Variants in BMPR1B observed in about 807,000 individuals in gnomAD.
BMPR1B encodes the protein bone morphogenetic protein receptor type 1B.
A neutral mutation model predicts 59.1 loss-of-function variants in BMPR1B; 12 were observed. The ratio of observed to expected loss-of-function variants is 0.20; its 90% CI spans 0.13 to 0.33. BMPR1B has a LOEUF of 0.33. Ranked by LOEUF, BMPR1B falls within the 10% of genes least tolerant of loss-of-function variation. The pLI is 1.00. For synonymous variants in BMPR1B, 237 were observed against 207.3 expected, an observed-to-expected ratio of 1.14 and a Z score of -1.23; for missense variants, 550 against 610.9, an observed-to-expected ratio of 0.90 and a Z score of 1.05.
Position 95,104,388 on chromosome 4 carries a change from C to G in BMPR1B, c.-17-20C>G, listed in dbSNP as rs548001370. 20 of 1,612,136 alleles carry G rather than the reference C, an allele frequency of 1.2e-5. No homozygotes were observed. The South Asian group carries it at 2.0e-4, about 16-fold the overall frequency. ...TAGTCTACCCCACAGATGCCTAACT[C>G]TCACTATTTCTTCTTTCAGCAAACT... On this transcript the variant is annotated intron_variant, in intron 3 of 12. Coordinates refer to ENST00000515059, the MANE Select transcript of BMPR1B (RefSeq NM_001203.3).
intron 3 of BMPR1B, among the ~76,000 whole-genome samples, chr4:95,025,947 T>A (rs549554671): frequency 2.6e-5 from 4 of 152,210 alleles, no homozygotes; most frequent in Non-Finnish European, 4.4e-5. Flanking sequence ...TTTGTTTAAT[T>A]TTTATTAGCA....
intron 3 of BMPR1B, among the ~76,000 whole-genome samples, chr4:95,098,790 C>T (rs1025494303): frequency 2.0e-5 from 3 of 152,082 alleles, no homozygotes; most frequent in South Asian, 2.1e-4. Context: ...GATCTGGGCT[C>T]ACTGCAAGCT....
chr4:95,107,649 T>C (rs1428602339), intron 4 of BMPR1B, among the ~76,000 whole-genome samples: 3 of 152,084 alleles, frequency 2.0e-5, no homozygotes, highest in Non-Finnish European at 2.9e-5. Context: ...TGTAGCACTA[T>C]CTATGTTTGC....
At chr4:94,936,621 A>G (rs1248171565) in intron 2 of BMPR1B, among the ~76,000 whole-genome samples, 17 of 152,144 alleles carry the variant, frequency 1.1e-4, no homozygotes. Context: ...GTAGGCTTTA[A>G]AATATTTATC....
rs200984246 is a variant in BMPR1B, at chr4:95,006,542, A to AT, written c.-18+10425dup. The stretch of plus-strand genomic sequence containing the variant: ...GAGATAAGAAATCAAATACCTTCTG[A>AT]TTTTTTTTTTTTTTTTTGAGATGGA... On this transcript the variant is annotated intron_variant, in intron 3 of 12. Transcript: ENST00000515059. 9.6e-3 allele frequency among the ~76,000 whole-genome samples: 1,306 copies of AT among 136,024 alleles called. 10 individuals are homozygous for AT. Among genetic ancestry groups the AT allele is most frequent in the East Asian group, 0.032 (150 of 4,644 alleles). The allele number at this position is 136,024 out of a possible 152,430, so 89.2% of individuals were successfully genotyped here.
At position 94,757,980 on chromosome 4, in the gene BMPR1B, G is replaced by A. The variant is rs1686516031; in HGVS notation, c.-271G>A. ...AGAAGTTGACGGCGCAGCCGGGCGC[G>A]GGGCGCGGAGTCGGCGGGGCCTCGC... is the stretch of plus-strand genomic sequence containing the variant. On this transcript the variant is annotated 5_prime_UTR_variant, in exon 1 of 13. Coordinates refer to ENST00000515059, the MANE Select transcript of BMPR1B (RefSeq NM_001203.3). The A allele has an allele frequency of 6.8e-6, 1 of 146,590 alleles. No homozygotes were observed. Among genetic ancestry groups the A allele is most frequent in the Non-Finnish European group, 1.5e-5 (1 of 66,206 alleles). 9.1% of individuals were successfully genotyped at this position (146,590 alleles called of 1,614,324 possible). A position where few individuals can be genotyped will look rare whatever the true frequency, so the allele number is the denominator to read the frequency against.
chr4:95,026,436 C>T lies in BMPR1B; in HGVS notation c.-18+30302C>T, dbSNP rs143468033. Among the ~76,000 whole-genome samples the T allele has an allele frequency of 3.4e-3, 518 of 151,662 alleles. 3 individuals carry two copies. The highest frequency in any genetic ancestry group is 0.012 in the African/African-American group (487 of 41,364). ...CTTGGTTTTCCACCATTTGTTATTC[C>T]GATTATTTTATATTATACATTCTCT... On this transcript the variant is annotated intron_variant, in intron 3 of 12. Coordinates refer to ENST00000515059, the MANE Select transcript of BMPR1B (RefSeq NM_001203.3).
intron 1 of BMPR1B, among the ~76,000 whole-genome samples, chr4:94,811,813 TGTGA>T (rs1455381764): frequency 2.6e-5 from 4 of 152,154 alleles, no homozygotes; most frequent in African/African-American, 4.8e-5. Flanking sequence ...TATTGCTCCC[TGTGA>T]GTGAGTGCCA....
At position 94,842,091 on chromosome 4, in the gene BMPR1B, G is replaced by C. The variant is rs1430716270; in HGVS notation, c.-182-33740G>C. Among the ~76,000 whole-genome samples, 8 of 152,064 alleles carry C rather than the reference G, an allele frequency of 5.3e-5. No individual in the cohort carries two copies. The Middle Eastern group carries it at 0.01, about 194-fold the overall frequency. ...AAGGGAGAGTGCACACACACCCCAG[G>C]GTGCTTGGACAAGTAGCCTGAAGCA... On this transcript the variant is annotated intron_variant, in intron 1 of 12. Transcript: ENST00000515059.
intron 1 of BMPR1B, among the ~76,000 whole-genome samples, chr4:94,786,225 C>G (rs371360728): frequency 2.0e-5 from 3 of 152,058 alleles, no homozygotes; most frequent in African/African-American, 4.8e-5. Context: ...CGGGTACTTA[C>G]CCCTGTGTGA....
intron 2 of BMPR1B, among the ~76,000 whole-genome samples, chr4:94,903,643 A>T (rs1013621586): frequency 6.6e-5 from 10 of 151,910 alleles, no homozygotes; most frequent in Non-Finnish European, 2.9e-5. Flanking sequence ...CTTATAATTT[A>T]TACGTTGAAA....
chr4:95,002,145 C>G (rs1023233356), intron 3 of BMPR1B, among the ~76,000 whole-genome samples: 1 of 152,092 alleles, frequency 6.6e-6, no homozygotes, highest in African/African-American at 2.4e-5. Context: ...CTCCCTCCAC[C>G]TCTGGTAGTC....
intron 1 of BMPR1B, among the ~76,000 whole-genome samples, chr4:94,843,518 C>T (rs75657264): frequency 6.6e-6 from 1 of 152,238 alleles, no homozygotes; most frequent in East Asian, 1.9e-4. Flanking sequence ...TCAGTGATAA[C>T]ATAATAGAAC....
At chr4:94,977,746 A>G (rs1731085131) in intron 2 of BMPR1B, among the ~76,000 whole-genome samples, 1 of 152,168 alleles carries the variant, frequency 6.6e-6, no homozygotes, top group Admixed American at 6.5e-5. Flanking sequence ...AGTCCCAGCT[A>G]GTCAGAAGGC....
At position 94,902,782 on chromosome 4, in the gene BMPR1B, C is replaced by T. The variant is rs138877381; in HGVS notation, c.-113+26882C>T. 5.0e-3 allele frequency among the ~76,000 whole-genome samples: 766 copies of T among 152,060 alleles called. 9 individuals are homozygous for T. The highest frequency in any genetic ancestry group is 0.018 in the African/African-American group (737 of 41,510). On this transcript the variant is annotated intron_variant, in intron 2 of 12. Transcript: ENST00000515059. Reference sequence around the variant, plus strand: ...AGGACAAACTTTAAACCCTTGCAGTCTCCTTTGCTAATCTCTGCTGTACTC... The same window carrying T: ...AGGACAAACTTTAAACCCTTGCAGTTTCCTTTGCTAATCTCTGCTGTACTC...
intron 3 of BMPR1B, among the ~76,000 whole-genome samples, chr4:95,050,452 G>T (rs1324042990): frequency 6.6e-6 from 1 of 152,072 alleles, no homozygotes; most frequent in Non-Finnish European, 1.5e-5. Context: ...ATTGATTGTA[G>T]TATGTGTAAA....
chr4:95,083,906 G>A (rs1395640155), intron 3 of BMPR1B, among the ~76,000 whole-genome samples: 2 of 151,992 alleles, frequency 1.3e-5, no homozygotes, highest in Admixed American at 1.3e-4. Context: ...TAGATAATAA[G>A]CTCAAAGGAA....
chr4:94,851,372 T>A (rs1725562323), intron 1 of BMPR1B, among the ~76,000 whole-genome samples: 1 of 152,162 alleles, frequency 6.6e-6, no homozygotes, highest in Non-Finnish European at 1.5e-5. Context: ...TAATCTCTAT[T>A]TAAGTGACAT....
intron 2 of BMPR1B, among the ~76,000 whole-genome samples, chr4:94,876,898 T>G (rs1726754153): frequency 3.3e-5 from 5 of 152,230 alleles, no homozygotes; most frequent in Admixed American, 3.3e-4. Context: ...CAGTAAAGTT[T>G]TCAGAAACTT....
Sources: gnomAD v4.1 joint callset for allele counts (sites outside exome capture counted in the v4.1 genomes callset) on GRCh38, gnomAD v4.1.1 for gene constraint, MANE v1.5 for transcripts, NCBI Gene and HGNC (gene_info 2026-07-23, HGNC 2026-07-21) for gene names.